RABEP1: variants seen among roughly 807,000 people sequenced by gnomAD.
RABEP1 encodes rabaptin, RAB GTPase binding effector protein 1.
Under a neutral mutation model 123.4 loss-of-function variants are expected in RABEP1, and 51 were observed. The observed-to-expected ratio is 0.41, with a 90% CI of 0.33 to 0.52. The LOEUF (loss-of-function observed/expected upper bound fraction) is 0.52. Ranked by LOEUF, RABEP1 falls within the 20% of genes least tolerant of loss-of-function variation. The probability of loss-of-function intolerance (pLI) is 0.16; values close to 1 mark genes in which losing one functional copy is unlikely to be tolerated. For missense variants in RABEP1, 888 were observed against 996.3 expected (o/e 0.89, Z 1.46); for synonymous variants, 347 against 355.2 (o/e 0.98, Z 0.26).
chr17:5,355,725 A>G (rs1341047799), intron 8 of RABEP1, among the ~76,000 whole-genome samples: 1 of 152,200 alleles, frequency 6.6e-6, no homozygotes. Flanking sequence ...TGGTGGTTAT[A>G]TATATGCCCA....
chr17:5,308,891 A>G (rs1336375925), intron 2 of RABEP1, 69 bp downstream of exon 2: 2 of 1,378,844 alleles, frequency 1.5e-6, no homozygotes, highest in Non-Finnish European at 2.0e-6. Context: ...TCTTGGTAGT[A>G]GTGTTAATTT....
intron 1 of RABEP1, among the ~76,000 whole-genome samples, chr17:5,300,569 G>A (rs2075127450): frequency 6.6e-6 from 1 of 152,138 alleles, no homozygotes; most frequent in Non-Finnish European, 1.5e-5. Context: ...AAGTCAGTAT[G>A]TGCTCCCCCA....
chr17:5,343,412 G>A (rs1014454705), intron 5 of RABEP1, among the ~76,000 whole-genome samples: 1 of 152,020 alleles, frequency 6.6e-6, no homozygotes, highest in South Asian at 2.1e-4. Context: ...AAATTAGCCA[G>A]ATGTGGTGGT....
chr17:5,314,264 A>C (rs1427396475), intron 2 of RABEP1, among the ~76,000 whole-genome samples: 14 of 28,324 alleles, frequency 4.9e-4, no homozygotes, highest in Non-Finnish European at 6.5e-5. Context: ...TTTTTTTGAG[A>C]TGGAGTTTTG....
chr17:5,362,882 C>T (rs761652404), intron 9 of RABEP1, 30 bp from the exon 10 acceptor site: 1 of 1,456,058 alleles, frequency 6.9e-7, no homozygotes, highest in Admixed American at 1.7e-5. Context: ...ATTGTTTTGC[C>T]TGATAAGAGG....
chr17:5,373,950 A>T (rs1597295157), intron 13 of RABEP1, among the ~76,000 whole-genome samples: 1 of 152,088 alleles, frequency 6.6e-6, no homozygotes, highest in African/African-American at 2.4e-5. Context: ...CCAGATTGAG[A>T]GTGTGCCAGA....
chr17:5,351,899 G>T (rs747818608), intron 7 of RABEP1, among the ~76,000 whole-genome samples: 8 of 151,756 alleles, frequency 5.3e-5, no homozygotes, highest in Middle Eastern at 3.2e-3. Flanking sequence ...GCACCATATT[G>T]ATTTACCCTT....
intron 5 of RABEP1, among the ~76,000 whole-genome samples, chr17:5,340,654 A>AAT (rs397737334): frequency 6.6e-6 from 1 of 151,204 alleles, no homozygotes; most frequent in African/African-American, 2.4e-5. Flanking sequence ...AAAAAAAAAA[A>AAT]GTACAAACTG....
intron 1 of RABEP1, among the ~76,000 whole-genome samples, chr17:5,298,464 C>G (rs2075103148): frequency 6.6e-6 from 1 of 152,100 alleles, no homozygotes; most frequent in Non-Finnish European, 1.5e-5. Flanking sequence ...CTGGTAATAA[C>G]CAGAGATTAT....
At chr17:5,351,373 C>T (rs576259612) in intron 7 of RABEP1, among the ~76,000 whole-genome samples, 25 of 152,236 alleles carry the variant, frequency 1.6e-4, no homozygotes, top group South Asian at 2.1e-4. Context: ...TCCTTAACAT[C>T]TCCCACACCT....
rs1354321556 is a variant in RABEP1, at chr17:5,282,479, G to T, written c.-8G>T. On this transcript the variant is annotated 5_prime_UTR_variant, in exon 1 of 18. Coordinates refer to ENST00000537505, the MANE Select transcript of RABEP1 (RefSeq NM_004703.6). ...CCATCCCCGCTCCCCGAGGCCGGCC[G>T]CCTGGTCATGGCGCAGCCGGGCCCG... 9.7e-6 allele frequency: 13 copies of T among 1,339,010 alleles called. No individual in the cohort carries two copies. Among genetic ancestry groups the T allele is most frequent in the South Asian group, 5.6e-5 (3 of 53,316 alleles). 82.9% of individuals were successfully genotyped at this position (1,339,010 alleles called of 1,614,324 possible).
At chr17:5,290,934 G>A (rs779416223) in intron 1 of RABEP1, among the ~76,000 whole-genome samples, 13 of 152,104 alleles carry the variant, frequency 8.5e-5, no homozygotes, top group Non-Finnish European at 1.6e-4. Context: ...TTCTTTAAAG[G>A]TAGTATTAAC....
At chr17:5,299,501 G>A (rs963009572) in intron 1 of RABEP1, among the ~76,000 whole-genome samples, 1 of 150,978 alleles carries the variant, frequency 6.6e-6, no homozygotes, top group Non-Finnish European at 1.5e-5. Flanking sequence ...AGTTAGTTTT[G>A]GTACTGAGCG....
chr17:5,329,798 A>G (rs1906345669), intron 2 of RABEP1, among the ~76,000 whole-genome samples: 1 of 147,252 alleles, frequency 6.8e-6, no homozygotes, highest in Non-Finnish European at 1.5e-5. Context: ...ATATATAAAT[A>G]TAACATTCAT....
At position 5,289,366 on chromosome 17, in the gene RABEP1, G is replaced by GT. The variant is rs572513862; in HGVS notation, c.34+6850dup. Among the ~76,000 whole-genome samples, 39 of 147,314 alleles carry GT rather than the reference G, an allele frequency of 2.6e-4. No homozygotes were observed. In the East Asian group the frequency reaches 7.5e-3, roughly 28 times the overall value. The stretch of plus-strand genomic sequence containing the variant: ...GGTCTCACAGTTTGTCATTTACCTC[G>GT]TTTTAAAAATTTTTTGTTATGCAGA... On this transcript the variant is annotated intron_variant, in intron 1 of 17. Coordinates refer to ENST00000537505, the MANE Select transcript of RABEP1 (RefSeq NM_004703.6).
At chr17:5,314,095 A>G (rs1277650695) in intron 2 of RABEP1, among the ~76,000 whole-genome samples, 3 of 152,224 alleles carry the variant, frequency 2.0e-5, no homozygotes, top group African/African-American at 2.4e-5. Context: ...TTTTTCCCCA[A>G]TAGGTCCAGC....
intron 13 of RABEP1, 131 bp from the exon 14 acceptor site, chr17:5,376,985 G>A (rs1911043645): frequency 1.1e-6 from 1 of 892,854 alleles, no homozygotes; most frequent in Non-Finnish European, 1.7e-6. Context: ...AGCTCTAAGT[G>A]GCTTAATGGT....
At chr17:5,339,669 C>T (rs565785334) in intron 5 of RABEP1, among the ~76,000 whole-genome samples, 2 of 85,110 alleles carry the variant, frequency 2.3e-5, no homozygotes, top group East Asian at 3.2e-3. Flanking sequence ...GTGGTGGCCA[C>T]GCGCCTTGTA....
At chr17:5,360,958 A>T (rs1597384176) in intron 8 of RABEP1, 1 of 483,314 alleles carries the variant, frequency 2.1e-6, no homozygotes, top group East Asian at 3.7e-5. Flanking sequence ...CTGCTTACTT[A>T]TCTTTTTTTT....
Sources: allele counts gnomAD v4.1 joint callset (sites outside exome capture counted in the v4.1 genomes callset), GRCh38; gene constraint gnomAD v4.1.1; transcripts MANE v1.5; gene names NCBI Gene and HGNC (gene_info 2026-07-23, HGNC 2026-07-21).